THOC2: variants seen among roughly 807,000 people sequenced by gnomAD.
THOC2 encodes THO complex subunit 2, also known as THO complex 2.
THOC2 carries 10 observed loss-of-function variants against 128.4 expected under a neutral mutation model. That is an observed-to-expected ratio of 0.08 (90% confidence interval 0.05 to 0.13). The LOEUF (loss-of-function observed/expected upper bound fraction) is 0.13, where lower values mean the gene tolerates loss of function less well. Ranked by LOEUF, THOC2 falls within the 10% of genes least tolerant of loss-of-function variation. The pLI, the probability that THOC2 is intolerant of heterozygous loss-of-function variation, is 1.00. For synonymous variants in THOC2, 393 were observed against 396.9 expected (o/e 0.99, Z 0.12); for missense variants, 535 against 1,155.7 (o/e 0.46, Z 7.79).
At chrX:123,650,636 A>G (rs1052025430) in intron 12 of THOC2, among the ~76,000 whole-genome samples, 1 of 111,921 alleles carries the variant, frequency 8.9e-6, no homozygotes, top group Non-Finnish European at 1.9e-5. Flanking sequence ...ATAGAAAGCA[A>G]AAAAAGCAGA....
intron 22 of THOC2, among the ~76,000 whole-genome samples, chrX:123,629,740 A>G (rs1473596711): frequency 8.9e-6 from 1 of 111,743 alleles, no homozygotes; most frequent in Non-Finnish European, 1.9e-5. Context: ...TTGGGAAAAC[A>G]GAGAGTGTTT....
chrX:123,697,774 A>C (rs2050504081), intron 4 of THOC2, 23 bp from the exon 5 acceptor site: 2 of 794,514 alleles, frequency 2.5e-6, no homozygotes, highest in Admixed American at 3.3e-5. Flanking sequence ...AGAAGAAAAA[A>C]GTTTGATTGA....
chrX:123,672,102 G>C (rs954148926), intron 8 of THOC2, among the ~76,000 whole-genome samples: 1 of 111,273 alleles, frequency 9.0e-6, no homozygotes, highest in Admixed American at 9.6e-5. Flanking sequence ...CTGTTTATAT[G>C]TGTGTTTTCT....
intron 7 of THOC2, among the ~76,000 whole-genome samples, chrX:123,691,095 C>A (rs1264831527): frequency 1.8e-5 from 2 of 111,269 alleles, no homozygotes; most frequent in Non-Finnish European, 3.8e-5. Flanking sequence ...GCCTGTAGTA[C>A]CAGCTATTTG....
At chrX:123,721,334 G>A (rs2147982441) in intron 1 of THOC2, among the ~76,000 whole-genome samples, 1 of 108,614 alleles carries the variant, frequency 9.2e-6, no homozygotes, top group Non-Finnish European at 1.9e-5. Context: ...GACCATGCCT[G>A]GCTAATTTTT....
chrX:123,699,454 AC>A (rs1187260607), intron 4 of THOC2, among the ~76,000 whole-genome samples: 2 of 111,921 alleles, frequency 1.8e-5, no homozygotes, highest in Admixed American at 9.5e-5. Context: ...TCTCATTAAG[AC>A]TTTTAACCCA....
chrX:123,619,460 C>G (rs1333229998), intron 32 of THOC2, 24 bp from the exon 33 acceptor site: 2 of 1,207,215 alleles, frequency 1.7e-6, no homozygotes, highest in Admixed American at 4.4e-5. Context: ...ATGGAGATGA[C>G]AGGTGAGCTG....
At chrX:123,617,136 A>G (rs936852856) in intron 33 of THOC2, among the ~76,000 whole-genome samples, 4 of 110,927 alleles carry the variant, frequency 3.6e-5, no homozygotes, top group African/African-American at 1.3e-4. Flanking sequence ...TAAACTTTCT[A>G]GACACATAAA....
chrX:123,704,311 A>G (rs2050836022), intron 3 of THOC2, among the ~76,000 whole-genome samples: 1 of 111,901 alleles, frequency 8.9e-6, no homozygotes. Flanking sequence ...AAATCTTGAA[A>G]ATACAAAACC....
chrX:123,730,711 G>A (rs1036047902), intron 1 of THOC2, among the ~76,000 whole-genome samples: 1 of 111,695 alleles, frequency 9.0e-6, no homozygotes, highest in Non-Finnish European at 1.9e-5. Flanking sequence ...TTGGGAGGCC[G>A]AGGTGGGCGG....
intron 1 of THOC2, among the ~76,000 whole-genome samples, chrX:123,731,804 A>G (rs1158573417): frequency 9.0e-6 from 1 of 111,447 alleles, no homozygotes; most frequent in African/African-American, 3.3e-5. Flanking sequence ...GGGATCCGGC[A>G]ACGCGTTCCT....
chrX:123,611,672 T>C (rs1336488480), intron 36 of THOC2, among the ~76,000 whole-genome samples, 156 bp from the exon 37 acceptor site: 2 of 109,129 alleles, frequency 1.8e-5, no homozygotes, highest in African/African-American at 3.3e-5. Context: ...AATAGATACA[T>C]TGAACTTCAT....
chrX:123,677,388 ATTTC>A (rs936221008), intron 8 of THOC2, among the ~76,000 whole-genome samples: 13 of 111,670 alleles, frequency 1.2e-4, no homozygotes, highest in African/African-American at 6.5e-5. Flanking sequence ...TTATTTTAAT[ATTTC>A]TTTCTTCAAT....
chrX:123,638,615 T>C (rs1224268943), intron 17 of THOC2, among the ~76,000 whole-genome samples: 1 of 109,642 alleles, frequency 9.1e-6, no homozygotes, highest in Non-Finnish European at 1.9e-5. Context: ...GCCGAGACAG[T>C]GCCACTGCAT....
rs11260444 is a variant in THOC2 at position 123,702,775 on chromosome X, A to G, written c.274+679T>C. ...AAGACCATGTCTCAAAAAAGAGAAG[A>G]AAAGAAAAGAAAGCACAGGACTGAC... On this transcript the variant is annotated intron_variant, in intron 4 of 38. Coordinates refer to ENST00000245838, the MANE Select transcript of THOC2 (RefSeq NM_001081550.2). Among the ~76,000 whole-genome samples, 700 of 108,611 alleles carry G rather than the reference A, an allele frequency of 6.4e-3. 9 individuals are homozygous for G. The highest frequency in any genetic ancestry group is 0.022 in the African/African-American group (648 of 30,039). 94.3% of individuals were successfully genotyped at this position (108,611 alleles called of 115,157 possible).
chrX:123,643,729 C>G (rs1269106711), intron 15 of THOC2, among the ~76,000 whole-genome samples: 2 of 102,808 alleles, frequency 1.9e-5, no homozygotes, highest in African/African-American at 7.1e-5. Flanking sequence ...CATAGGCTCA[C>G]AGGAAAAAAA....
At chrX:123,702,597 A>T in intron 4 of THOC2, among the ~76,000 whole-genome samples, 1 of 105,204 alleles carries the variant, frequency 9.5e-6, no homozygotes, top group South Asian at 3.9e-4. Flanking sequence ...ATATCTGTAT[A>T]TATAATATAT....
chrX:123,638,495 C>T (rs990200759), intron 17 of THOC2, among the ~76,000 whole-genome samples: 27 of 110,862 alleles, frequency 2.4e-4, no homozygotes, highest in African/African-American at 6.9e-4. Flanking sequence ...CCCACCTCTA[C>T]TAAAAACAAG....
intron 16 of THOC2, among the ~76,000 whole-genome samples, chrX:123,639,487 G>C (rs1022879952): frequency 9.0e-6 from 1 of 111,661 alleles, no homozygotes; most frequent in Non-Finnish European, 1.9e-5. Flanking sequence ...GTATCTCTTG[G>C]TACTTTTTTT....
Sources: allele counts gnomAD v4.1 joint callset (sites outside exome capture counted in the v4.1 genomes callset), GRCh38; gene constraint gnomAD v4.1.1; transcripts MANE v1.5; gene names NCBI Gene and HGNC (gene_info 2026-07-23, HGNC 2026-07-21).